PRRC2C: variants seen among roughly 807,000 people sequenced by gnomAD.
The protein encoded by PRRC2C is protein PRRC2C.
PRRC2C carries 72 observed loss-of-function variants against 317.2 expected under a neutral mutation model. That is an observed-to-expected ratio of 0.23 (90% CI 0.19 to 0.28). The LOEUF (loss-of-function observed/expected upper bound fraction) is 0.28. Among genes scored for constraint, PRRC2C ranks in the 10% least tolerant of loss-of-function variants. The probability of loss-of-function intolerance (pLI) is 1.00; values close to 1 mark genes in which losing one functional copy is unlikely to be tolerated. For synonymous variants in PRRC2C, 1,296 were observed against 1,205.9 expected (o/e 1.07, Z -1.55); for missense variants, 3,074 against 3,459.7 (o/e 0.89, Z 2.80).
rs560008135 is a variant in PRRC2C at position 171,485,681 on chromosome 1, A to C, written c.-112A>C. 2.7e-4 allele frequency: 41 copies of C among 152,192 alleles called. No individual in the cohort carries two copies. Among genetic ancestry groups the C allele is most frequent in the African/African-American group, 9.7e-4 (40 of 41,366 alleles). 9.4% of individuals were successfully genotyped at this position (152,192 alleles called of 1,614,324 possible). Reference sequence around the variant, plus strand: ...CCAGCTTTCCCTCCCCCTTCTTTCGATCAGAGATCGGCGGAGACCCTCGAA... The same window carrying C: ...CCAGCTTTCCCTCCCCCTTCTTTCGCTCAGAGATCGGCGGAGACCCTCGAA... On this transcript the variant is annotated 5_prime_UTR_variant, in exon 1 of 35. Coordinates refer to ENST00000647382, the MANE Select transcript of PRRC2C (RefSeq NM_001387844.1).
intron 1 of PRRC2C, among the ~76,000 whole-genome samples, chr1:171,490,629 A>G (rs927726094): frequency 6.6e-6 from 1 of 152,226 alleles, no homozygotes; most frequent in Non-Finnish European, 1.5e-5. Context: ...GGAAGTCACT[A>G]TAGAAATCAG....
Position 171,579,465 on chromosome 1 carries a change from A to C in PRRC2C, c.7271A>C (p.Gln2424Pro), listed in dbSNP as rs1648002130. The C allele has an allele frequency of 6.2e-7, 1 of 1,613,122 alleles. No individual in the cohort carries two copies. Among genetic ancestry groups the C allele is most frequent in the South Asian group, 1.1e-5 (1 of 91,082 alleles). Reference protein sequence around the residue: ...QQQGFQPGLSQPTSVQQIPIP... With the variant: ...QQQGFQPGLSPPTSVQQIPIP... ...CAGGGTTTCCAACCAGGTCTCTCTC[A>C]GGTAATATCAAAGACTTCTTCCATC... Residue 2424 changes from glutamine (Q) to proline (P), a missense_variant and splice_region_variant, in exon 27 of 35, where the codon CAG (glutamine) becomes CCG (proline). This residue lies in a region of PRRC2C where 490 missense variants were observed against 663.1 expected (regional missense o/e 0.74). Coordinates refer to ENST00000647382, the MANE Select transcript of PRRC2C (RefSeq NM_001387844.1).
chr1:171,543,473 C>T lies in PRRC2C; in HGVS notation c.4763+1244C>T, dbSNP rs79461850. On this transcript the variant is annotated intron_variant, in intron 16 of 34. Coordinates refer to ENST00000647382, the MANE Select transcript of PRRC2C (RefSeq NM_001387844.1). ...AGTTGCTTCCCCTTTGCTTCCTCAC[C>T]GCTAAAATGGGGAGAAAATAATAGC... is the stretch of plus-strand genomic sequence containing the variant. Among the ~76,000 whole-genome samples, 769 of 152,252 alleles carry T rather than the reference C, an allele frequency of 5.1e-3. 1 individual carries two copies. The highest frequency in any genetic ancestry group is 0.027 in the Middle Eastern group (8 of 294).
In PRRC2C at chr1:171,517,627, G is replaced by T; in HGVS notation, c.563G>T (p.Gly188Val). The T allele has an allele frequency of 6.2e-7, 1 of 1,612,212 alleles. No individual in the cohort carries two copies. Among genetic ancestry groups the T allele is most frequent in the Non-Finnish European group, 8.5e-7 (1 of 1,179,650 alleles). ...TGGAGAGATGGTGGTAAGGCTGCTGGCTCACCTTCGTCATCTGATCAAGAT... is the reference window on the plus strand; with the variant it reads ...TGGAGAGATGGTGGTAAGGCTGCTGTCTCACCTTCGTCATCTGATCAAGAT... ...ACWRDGGKAA[G>V]SPSSSDQDEK... The change falls in exon 6 of 35, where the codon GGC (glycine) becomes GTC (valine). Residue 188 changes from glycine to valine, a missense_variant. By Grantham distance (109) the Gly-to-Val change is moderately radical. Around this residue, in one of 11 missense-constraint regions of PRRC2C, gnomAD observed 237 missense variants for 199.5 expected, o/e 1.19. Coordinates refer to ENST00000647382, the MANE Select transcript of PRRC2C (RefSeq NM_001387844.1).
chr1:171,488,396 T>C (rs539738464), intron 1 of PRRC2C, among the ~76,000 whole-genome samples: 1 of 152,374 alleles, frequency 6.6e-6, no homozygotes, highest in South Asian at 2.1e-4. Flanking sequence ...ACTGTGTTAG[T>C]TTTATGAGTA....
chr1:171,545,557 A>G lies in PRRC2C; in HGVS notation c.4842A>G (p.Val1614=). 2 of 1,603,284 alleles carry G rather than the reference A, an allele frequency of 1.2e-6. No individual in the cohort carries two copies. The highest frequency in any genetic ancestry group is 8.5e-7 in the Non-Finnish European group (1 of 1,174,550). Residue 1614 remains valine (V), a synonymous_variant, in exon 17 of 35, where the codon GTA becomes GTG. Transcript: ENST00000647382. ...NGSSAHHQEG[V]PNGTGQKNSK... ...GCTCTGCACACCATCAGGAAGGAGT[A>G]CCTAATGGTACAGGACAAAAGAACT...
Position 171,536,871 on chromosome 1 carries a change from T to C in PRRC2C, c.2294-392T>C, listed in dbSNP as rs142985817. Among the ~76,000 whole-genome samples, 807 of 152,340 alleles carry C rather than the reference T, an allele frequency of 5.3e-3. 6 individuals are homozygous for C. The highest frequency in any genetic ancestry group is 6.9e-3 in the Admixed American group (105 of 15,298). On this transcript the variant is annotated intron_variant, in intron 14 of 34. Transcript: ENST00000647382. The stretch of plus-strand genomic sequence containing the variant: ...TAGAATATTGACCAACTAAGGTAGG[T>C]TAATGGAATTTAGGAAAGAATTTTC...
rs539726676 is a variant in PRRC2C at position 171,558,746 on chromosome 1, G to A, written c.6031+603G>A. Among the ~76,000 whole-genome samples, 540 of 152,162 alleles carry A rather than the reference G, an allele frequency of 3.5e-3. 1 individual carries two copies. Among genetic ancestry groups the A allele is most frequent in the Non-Finnish European group, 4.4e-3 (299 of 68,004 alleles). On this transcript the variant is annotated intron_variant, in intron 19 of 34. Coordinates refer to ENST00000647382, the MANE Select transcript of PRRC2C (RefSeq NM_001387844.1). ...TATTCTTTAAGAACACAACAATGTT[G>A]AAATTAGGCCGATTAATAACTCTCT...
intron 18 of PRRC2C, among the ~76,000 whole-genome samples, chr1:171,554,886 C>T (rs945516234): frequency 3.3e-5 from 5 of 152,246 alleles, no homozygotes; most frequent in Non-Finnish European, 7.3e-5. Context: ...TCTCTGGCTG[C>T]GCTTAATATT....
In PRRC2C at chr1:171,540,868, C is replaced by G. The variant is rs376418190; in HGVS notation, c.3402C>G (p.Val1134=). Residue 1134 remains valine (V), a synonymous_variant, in exon 16 of 35, where the codon GTC becomes GTG. Coordinates refer to ENST00000647382, the MANE Select transcript of PRRC2C (RefSeq NM_001387844.1). ...VNQQTMAAPV[V]KEEKQPEKVI... The stretch of plus-strand genomic sequence containing the variant: ...AACAGACTATGGCAGCACCAGTAGT[C>G]AAAGAAGAAAAACAACCTGAGAAAG... The G allele has an allele frequency of 6.8e-6, 11 of 1,613,322 alleles. No individual in the cohort carries two copies. Among genetic ancestry groups the G allele is most frequent in the Non-Finnish European group, 9.3e-6 (11 of 1,179,716 alleles).
chr1:171,512,077 G>C lies in PRRC2C; in HGVS notation c.-12G>C. On this transcript the variant is annotated 5_prime_UTR_variant, in exon 2 of 35. Transcript: ENST00000647382. Reference sequence around the variant, plus strand: ...TGGCAGGAGGTTTTGGACTCGATGAGTTTCCACCGAAATGTCGGAGAAGTC... The same window carrying C: ...TGGCAGGAGGTTTTGGACTCGATGACTTTCCACCGAAATGTCGGAGAAGTC... 1 of 1,530,920 alleles carries C rather than the reference G, an allele frequency of 6.5e-7. No homozygotes were observed. The highest frequency in any genetic ancestry group is 1.4e-5 in the African/African-American group (1 of 72,882). 94.8% of individuals were successfully genotyped at this position (1,530,920 alleles called of 1,614,324 possible). A position where few individuals can be genotyped will look rare whatever the true frequency, so the allele number is the denominator to read the frequency against.
At chr1:171,588,185 A>G (rs1650492460) in intron 32 of PRRC2C, among the ~76,000 whole-genome samples, 194 bp from the exon 33 acceptor site, 1 of 152,130 alleles carries the variant, frequency 6.6e-6, no homozygotes, top group Non-Finnish European at 1.5e-5. Flanking sequence ...CAGCCAATCT[A>G]ACTGGTAACT....
chr1:171,517,426 C>G (rs916405597), intron 5 of PRRC2C, among the ~76,000 whole-genome samples, 165 bp from the exon 6 acceptor site: 2 of 152,086 alleles, frequency 1.3e-5, no homozygotes, highest in African/African-American at 4.8e-5. Flanking sequence ...CTTTGGAAGC[C>G]ACTACTACGC....
chr1:171,562,690 A>T (rs1210450521), intron 20 of PRRC2C, among the ~76,000 whole-genome samples: 1 of 152,184 alleles, frequency 6.6e-6, no homozygotes, highest in Non-Finnish European at 1.5e-5. Flanking sequence ...CTGAGATTGG[A>T]CAGTTTTTGA....
chr1:171,540,055 C>T lies in PRRC2C; in HGVS notation c.2589C>T (p.Asp863=), dbSNP rs1345989165. The T allele has an allele frequency of 1.2e-6, 2 of 1,613,948 alleles. No individual in the cohort carries two copies. The highest frequency in any genetic ancestry group is 2.2e-5 in the South Asian group (2 of 91,080). ...AATTAGAGGCTCACCCAAAGGCAGA[C>T]TTTATCAGAGAATCAAGTGAGGCAC... The part of the protein sequence containing the change: ...HNQLEAHPKA[D]FIRESSEAQV... The change falls in exon 16 of 35, where the codon GAC becomes GAT. Residue 863 remains aspartate (D), a synonymous_variant. Coordinates refer to ENST00000647382, the MANE Select transcript of PRRC2C (RefSeq NM_001387844.1).
At chr1:171,494,969 A>G (rs1435847441) in intron 1 of PRRC2C, among the ~76,000 whole-genome samples, 1 of 152,188 alleles carries the variant, frequency 6.6e-6, no homozygotes, top group Admixed American at 6.5e-5. Context: ...GTCATTTCAC[A>G]GCTCTTTGGG....
Position 171,588,411 on chromosome 1 carries a change from G to A in PRRC2C, c.8105G>A (p.Ser2702Asn). 6.2e-7 allele frequency: 1 copy of A among 1,613,598 alleles called. No homozygotes were observed. Among genetic ancestry groups the A allele is most frequent in the South Asian group, 1.1e-5 (1 of 91,020 alleles). The change falls in exon 33 of 35, where the codon AGC (serine) becomes AAC (asparagine). Residue 2702 changes from serine (S) to asparagine (N), a missense_variant. Around this residue, in one of 11 missense-constraint regions of PRRC2C, gnomAD observed 490 missense variants for 663.1 expected, o/e 0.74. Transcript: ENST00000647382. Reference sequence around the variant, plus strand: ...TCTACAAGTCCGAACAGCCAGTCCAGCAAAATGAACAGCATTGTCTACCAG... The same window carrying A: ...TCTACAAGTCCGAACAGCCAGTCCAACAAAATGAACAGCATTGTCTACCAG... ...ATSTSPNSQSSKMNSIVYQKQ... is the reference protein window; with the variant it reads ...ATSTSPNSQSNKMNSIVYQKQ...
chr1:171,511,998 C>G, intron 1 of PRRC2C, 34 bp from the exon 2 acceptor site: 1 of 602,388 alleles, frequency 1.7e-6, no homozygotes, highest in Non-Finnish European at 2.8e-6. Flanking sequence ...CTGAGTTTTT[C>G]ATCCTTATTT....
rs1673961225 is a variant in PRRC2C at position 171,523,327 on chromosome 1, G to A, written c.940G>A (p.Asp314Asn). The A allele has an allele frequency of 6.2e-7, 1 of 1,613,954 alleles. No individual in the cohort carries two copies. The highest frequency in any genetic ancestry group is 8.5e-7 in the Non-Finnish European group (1 of 1,179,882). The change falls in exon 8 of 35, where the codon GAT (aspartate) becomes AAT (asparagine). Residue 314 changes from aspartate (D) to asparagine (N), a missense_variant. This residue lies in a region of PRRC2C where 50 missense variants were observed against 88.3 expected (regional missense o/e 0.57). Coordinates refer to ENST00000647382, the MANE Select transcript of PRRC2C (RefSeq NM_001387844.1). ...GGAGCTTGATAAATTTGATAACCTAGATGCTGAAGCTGATGAAGGTTGGGC... is the reference window on the plus strand; with the variant it reads ...GGAGCTTGATAAATTTGATAACCTAAATGCTGAAGCTGATGAAGGTTGGGC... ...LKELDKFDNL[D>N]AEADEGWAGA...
Sources: allele counts gnomAD v4.1 joint callset (sites outside exome capture counted in the v4.1 genomes callset), GRCh38; gene constraint gnomAD v4.1.1; regional missense constraint gnomAD v4.1.1; transcripts MANE v1.5; gene names NCBI Gene and HGNC (gene_info 2026-07-23, HGNC 2026-07-21).